The following RAB2A variants were observed in gnomAD, a reference collection of about 807,000 sequenced individuals.
The protein encoded by RAB2A is ras-related protein Rab-2A.
A neutral mutation model predicts 32.5 loss-of-function variants in RAB2A; 7 were observed. That is an observed-to-expected ratio of 0.22 (90% CI 0.12 to 0.40). The LOEUF (loss-of-function observed/expected upper bound fraction) is 0.40. Among genes scored for constraint, RAB2A ranks in the 10% least tolerant of loss-of-function variants. RAB2A has a pLI of 1.00. For synonymous variants in RAB2A, 79 were observed against 85.2 expected (o/e 0.93, Z 0.40); for missense variants, 108 against 260.7 (o/e 0.41, Z 4.03).
intron 6 of RAB2A, among the ~76,000 whole-genome samples, chr8:60,597,212 A>G (rs1410809965): frequency 6.6e-6 from 1 of 152,202 alleles, no homozygotes; most frequent in Non-Finnish European, 1.5e-5. Context: ...TCAGTGATAG[A>G]CTGGATAAAG....
At chr8:60,533,263 G>C (rs990996528) in intron 1 of RAB2A, among the ~76,000 whole-genome samples, 3 of 152,226 alleles carry the variant, frequency 2.0e-5, no homozygotes, top group African/African-American at 7.2e-5. Flanking sequence ...GTTCTACCCT[G>C]TCAGACCTCA....
Position 60,621,313 on chromosome 8 carries a change from T to G in RAB2A, c.*544T>G, listed in dbSNP as rs572408715. On this transcript the variant is annotated 3_prime_UTR_variant, in exon 8 of 8. Transcript: ENST00000262646. The stretch of plus-strand genomic sequence containing the variant: ...GCATTTGCATAAATTCTATACTGTT[T>G]AGAGCTTAAAGCTACAGAAGCATTG... The G allele has an allele frequency of 6.6e-6, 1 of 152,290 alleles. No homozygotes were observed. Among genetic ancestry groups the G allele is most frequent in the South Asian group, 2.1e-4 (1 of 4,834 alleles). 9.4% of individuals were successfully genotyped at this position (152,290 alleles called of 1,614,324 possible).
intron 6 of RAB2A, among the ~76,000 whole-genome samples, chr8:60,617,355 T>C (rs1804463678): frequency 6.6e-6 from 1 of 152,212 alleles, no homozygotes; most frequent in Admixed American, 6.5e-5. Context: ...GATTTTGCTT[T>C]CTTAAACTAT....
chr8:60,540,644 T>C (rs1586069690), intron 1 of RAB2A, among the ~76,000 whole-genome samples: 2 of 152,206 alleles, frequency 1.3e-5, no homozygotes, highest in African/African-American at 4.8e-5. Context: ...CACGCCTGGC[T>C]AATTTTGTTA....
intron 1 of RAB2A, among the ~76,000 whole-genome samples, chr8:60,519,099 T>C (rs1199294238): frequency 6.6e-6 from 1 of 152,024 alleles, no homozygotes; most frequent in African/African-American, 2.4e-5. Flanking sequence ...AGACACTTCT[T>C]TCTTGTCATT....
chr8:60,570,112 C>A (rs1808176086), intron 2 of RAB2A: 1 of 446,552 alleles, frequency 2.2e-6, no homozygotes, highest in Non-Finnish European at 4.5e-6. Context: ...AGAGAGGGAG[C>A]ATCTGCTTGC....
chr8:60,553,617 TATAAC>T (rs1161274268), intron 1 of RAB2A, among the ~76,000 whole-genome samples: 3 of 152,216 alleles, frequency 2.0e-5, no homozygotes, highest in Non-Finnish European at 4.4e-5. Flanking sequence ...ATTTGCTTCT[TATAAC>T]AGTTCATTGA....
intron 1 of RAB2A, among the ~76,000 whole-genome samples, chr8:60,543,632 CTATT>C (rs1175392627): frequency 6.6e-6 from 1 of 152,158 alleles, no homozygotes; most frequent in Non-Finnish European, 1.5e-5. Context: ...GGGCCATTAT[CTATT>C]CAATTTACTA....
rs550834353 is a variant in RAB2A at position 60,585,345 on chromosome 8, C to T, written c.362+530C>T. ...TTGTTTTGTTTGAGACAGGGACTCA[C>T]TCTGTTACCCAGGCTAGAGTGCAGT... On this transcript the variant is annotated intron_variant, in intron 5 of 7. Coordinates refer to ENST00000262646, the MANE Select transcript of RAB2A (RefSeq NM_002865.3). Among the ~76,000 whole-genome samples, 7 of 150,028 alleles carry T rather than the reference C, an allele frequency of 4.7e-5. No individual in the cohort carries two copies. The South Asian group carries it at 1.5e-3, about 31-fold the overall frequency.
rs558938321 is a variant in RAB2A at position 60,547,485 on chromosome 8, G to T, written c.47-11367G>T. 7.3e-5 allele frequency among the ~76,000 whole-genome samples: 11 copies of T among 151,706 alleles called. 2 individuals carry two copies. The South Asian group carries it at 2.3e-3, about 32-fold the overall frequency. On this transcript the variant is annotated intron_variant, in intron 1 of 7. Coordinates refer to ENST00000262646, the MANE Select transcript of RAB2A (RefSeq NM_002865.3). ...CCAGTAGGCGCGGCCGGGCAGAGGC[G>T]CCCCTCACCTCCCGGACAGGGCAGC...
At chr8:60,564,592 C>G (rs1273180815) in intron 2 of RAB2A, among the ~76,000 whole-genome samples, 1 of 152,090 alleles carries the variant, frequency 6.6e-6, no homozygotes, top group Non-Finnish European at 1.5e-5. Flanking sequence ...TCTTAGATGT[C>G]TAATAGACAT....
chr8:60,590,026 A>G (rs1803915260), intron 5 of RAB2A, among the ~76,000 whole-genome samples: 1 of 151,392 alleles, frequency 6.6e-6, no homozygotes, highest in Non-Finnish European at 1.5e-5. Flanking sequence ...CAGTGGCGCG[A>G]TCTCTGCTCA....
intron 1 of RAB2A, among the ~76,000 whole-genome samples, chr8:60,542,376 G>A (rs147355878): frequency 9.1e-4 from 138 of 152,218 alleles, no homozygotes; most frequent in African/African-American, 2.9e-3. Context: ...TTAGCCAGGC[G>A]TGGTGGCATG....
intron 2 of RAB2A, among the ~76,000 whole-genome samples, chr8:60,565,417 C>CA (rs34983530): frequency 0.14 from 15,630 of 111,210 alleles, 1,316 homozygotes; most frequent in African/African-American, 0.22. Context: ...AGACCTGCCT[C>CA]AAAAAAAAAA....
At chr8:60,580,410 C>T (rs924280796) in intron 3 of RAB2A, among the ~76,000 whole-genome samples, 1 of 150,978 alleles carries the variant, frequency 6.6e-6, no homozygotes, top group Non-Finnish European at 1.5e-5. Context: ...TTAGAGAAGC[C>T]ATAATAAAAA....
chr8:60,600,927 A>G (rs921530014), intron 6 of RAB2A, among the ~76,000 whole-genome samples: 1 of 152,232 alleles, frequency 6.6e-6, no homozygotes, highest in Non-Finnish European at 1.5e-5. Context: ...CTGGGGGGAA[A>G]CTACATAAAT....
At chr8:60,590,166 G>A (rs1458033884) in intron 5 of RAB2A, among the ~76,000 whole-genome samples, 6 of 152,010 alleles carry the variant, frequency 3.9e-5, no homozygotes, top group Admixed American at 3.3e-4. Flanking sequence ...TCACCATGTT[G>A]GCCAGGCTGG....
chr8:60,551,920 G>C (rs1807855019), intron 1 of RAB2A: 1 of 139,714 alleles, frequency 7.2e-6, no homozygotes, highest in Non-Finnish European at 1.5e-5. Flanking sequence ...CTGGAGTTCA[G>C]TGGCACGATC....
At chr8:60,585,154 A>G (rs1001089590) in intron 5 of RAB2A, among the ~76,000 whole-genome samples, 2 of 152,222 alleles carry the variant, frequency 1.3e-5, no homozygotes, top group Non-Finnish European at 2.9e-5. Flanking sequence ...ATGCTATTAT[A>G]TGGGAAAACC....
Sources: gnomAD v4.1 joint callset for allele counts (sites outside exome capture counted in the v4.1 genomes callset) on GRCh38, gnomAD v4.1.1 for gene constraint, MANE v1.5 for transcripts, NCBI Gene and HGNC (gene_info 2026-07-23, HGNC 2026-07-21) for gene names.